Variants in ZPLD1 observed in about 807,000 individuals in gnomAD.
The protein encoded by ZPLD1 is zona pellucida-like domain-containing protein 1.
Under a neutral mutation model 47.2 loss-of-function variants are expected in ZPLD1, and 34 were observed. That is an observed-to-expected ratio of 0.72 (90% CI 0.55 to 0.96). The LOEUF is 0.96. Among genes scored for constraint, ZPLD1 ranks in the 40% least tolerant of loss-of-function variants. ZPLD1 has a pLI of 0.00. For missense variants in ZPLD1, 512 were observed against 505.8 expected, an observed-to-expected ratio of 1.01 and a Z score of -0.12; for synonymous variants, 176 against 186.2, an observed-to-expected ratio of 0.95 and a Z score of 0.45.
At position 102,400,050 on chromosome 3, in the gene ZPLD1, C is replaced by T. The variant is rs373246849; in HGVS notation, c.-157+7825C>T. Among the ~76,000 whole-genome samples, 112 of 152,040 alleles carry T rather than the reference C, an allele frequency of 7.4e-4. 1 individual carries two copies. In the South Asian group the frequency reaches 0.015, roughly 21 times the overall value. Reference sequence around the variant, plus strand: ...GACAGACTGGTCTTGAACTCCTGGGCTCAAGTGATTCACCCACCTCAGCCT... The same window carrying T: ...GACAGACTGGTCTTGAACTCCTGGGTTCAAGTGATTCACCCACCTCAGCCT... On this transcript the variant is annotated intron_variant, in intron 7 of 17. Coordinates refer to the ZPLD1 transcript ENST00000491959.
At chr3:102,393,523 C>T (rs142044333) in intron 7 of ZPLD1, among the ~76,000 whole-genome samples, 6 of 152,126 alleles carry the variant, frequency 3.9e-5, no homozygotes, top group Non-Finnish European at 8.8e-5. Context: ...TTGAATTCTG[C>T]TTACTTGTCA....
chr3:102,441,107 G>C (rs1361601354), intron 3 of ZPLD1, among the ~76,000 whole-genome samples: 1 of 152,068 alleles, frequency 6.6e-6, no homozygotes, highest in Non-Finnish European at 1.5e-5. Flanking sequence ...TGGGAAGGGT[G>C]ATCAAGCCAT....
intron 8 of ZPLD1, among the ~76,000 whole-genome samples, chr3:102,420,330 G>A (rs960405729): frequency 2.6e-5 from 4 of 151,870 alleles, no homozygotes; most frequent in African/African-American, 9.7e-5. Flanking sequence ...AATACATTGT[G>A]TCCTGTCCCC....
intron 3 of ZPLD1, among the ~76,000 whole-genome samples, chr3:102,446,247 T>C (rs1707253985): frequency 6.6e-6 from 1 of 152,196 alleles, no homozygotes; most frequent in South Asian, 2.1e-4. Context: ...AGTGAGACAG[T>C]AGACCCACAG....
intron 7 of ZPLD1, among the ~76,000 whole-genome samples, chr3:102,400,071 A>C (rs1706602540): frequency 6.6e-6 from 1 of 152,004 alleles, no homozygotes; most frequent in African/African-American, 2.4e-5. Context: ...CACCCACCTC[A>C]GCCTTCCAAA....
intron 9 of ZPLD1, among the ~76,000 whole-genome samples, chr3:102,469,856 T>C (rs1038739838): frequency 1.5e-4 from 23 of 152,362 alleles, no homozygotes; most frequent in African/African-American, 4.6e-4. Context: ...AATTCTATTC[T>C]GACCGGCTCT....
At chr3:102,464,594 A>G (rs978802168) in intron 8 of ZPLD1, among the ~76,000 whole-genome samples, 1 of 152,228 alleles carries the variant, frequency 6.6e-6, no homozygotes, top group Non-Finnish European at 1.5e-5. Context: ...AGAGGTTACT[A>G]TTTATCTGCA....
chr3:102,421,729 G>T (rs1706881570), intron 8 of ZPLD1, among the ~76,000 whole-genome samples: 1 of 151,690 alleles, frequency 6.6e-6, no homozygotes, highest in Non-Finnish European at 1.5e-5. Context: ...GGCATAAAAA[G>T]TACAGCTGAA....
intron 4 of ZPLD1, 72 bp downstream of exon 4, chr3:102,453,211 A>C: frequency 7.4e-7 from 1 of 1,343,238 alleles, no homozygotes; most frequent in Non-Finnish European, 1.0e-6. Context: ...ATGAAAGAAT[A>C]AGATGCCCAA....
chr3:102,403,906 G>T (rs1005181271), intron 7 of ZPLD1, among the ~76,000 whole-genome samples: 3 of 151,974 alleles, frequency 2.0e-5, no homozygotes, highest in Non-Finnish European at 2.9e-5. Context: ...TTAATTCCAT[G>T]TATCAGAGAT....
chr3:102,387,968 C>T (rs976744528), intron 6 of ZPLD1, among the ~76,000 whole-genome samples: 1 of 147,236 alleles, frequency 6.8e-6, no homozygotes, highest in African/African-American at 2.5e-5. Flanking sequence ...TCACGCCATT[C>T]TCCTGCCTCA....
At chr3:102,397,436 G>A (rs1706570761) in intron 7 of ZPLD1, among the ~76,000 whole-genome samples, 1 of 152,044 alleles carries the variant, frequency 6.6e-6, no homozygotes, top group Non-Finnish European at 1.5e-5. Context: ...TGGAGAAGGA[G>A]GATTGATGGG....
At chr3:102,420,859 A>G (rs1344963400) in intron 8 of ZPLD1, among the ~76,000 whole-genome samples, 2 of 151,974 alleles carry the variant, frequency 1.3e-5, no homozygotes, top group Non-Finnish European at 2.9e-5. Context: ...TGAAACCAAA[A>G]TATTTTAAAG....
rs376633499 is a variant in ZPLD1 at position 102,464,861 on chromosome 3, A to AT, written c.761+616dup. On this transcript the variant is annotated intron_variant, in intron 8 of 11. Coordinates refer to ENST00000466937, the MANE Select transcript of ZPLD1 (RefSeq NM_001329788.2). ...TCAATCATCTCAGTTCCTTTTCAGC[A>AT]TTTTTTATCTGACAGCTGAACAGAC... Among the ~76,000 whole-genome samples, 200 of 152,298 alleles carry AT rather than the reference A, an allele frequency of 1.3e-3. 1 individual carries two copies. Among genetic ancestry groups the AT allele is most frequent in the African/African-American group, 3.6e-3 (151 of 41,570 alleles).
At chr3:102,412,573 G>C (rs952063827) in intron 7 of ZPLD1, among the ~76,000 whole-genome samples, 1 of 151,874 alleles carries the variant, frequency 6.6e-6, no homozygotes, top group Admixed American at 6.6e-5. Context: ...GCTGTATTCA[G>C]TTTACTGTAT....
chr3:102,429,663 G>A (rs1706992839), intron 8 of ZPLD1, among the ~76,000 whole-genome samples: 1 of 152,136 alleles, frequency 6.6e-6, no homozygotes, highest in African/African-American at 2.4e-5. Flanking sequence ...TTGTGGTTAT[G>A]TGGAGAAGGC....
At chr3:102,440,901 A>G (rs905013863) in intron 3 of ZPLD1, among the ~76,000 whole-genome samples, 3 of 152,310 alleles carry the variant, frequency 2.0e-5, no homozygotes, top group Middle Eastern at 3.4e-3. Flanking sequence ...AGAATAATTG[A>G]TGAAATGAGA....
intron 3 of ZPLD1, among the ~76,000 whole-genome samples, chr3:102,438,878 G>A (rs1012397438): frequency 1.3e-5 from 2 of 152,010 alleles, no homozygotes; most frequent in East Asian, 1.9e-4. Context: ...TTCAAAATTT[G>A]TGTCTTTTTT....
rs1028980305 is a variant in ZPLD1, at chr3:102,479,806, A to C, written c.*2188A>C. 7 of 152,182 alleles carry C rather than the reference A, an allele frequency of 4.6e-5. No homozygotes were observed. The highest frequency in any genetic ancestry group is 1.7e-4 in the African/African-American group (7 of 41,450). 9.4% of individuals were successfully genotyped at this position (152,182 alleles called of 1,614,324 possible). The stretch of plus-strand genomic sequence containing the variant: ...GGGGTAAGGTCTGATGACATGTAAA[A>C]GATGATCGTTTAATAAAATAATTGT... On this transcript the variant is annotated 3_prime_UTR_variant, in exon 12 of 12. Transcript: ENST00000466937.
Sources: allele counts gnomAD v4.1 joint callset (sites outside exome capture counted in the v4.1 genomes callset), GRCh38; gene constraint gnomAD v4.1.1; transcripts MANE v1.5; gene names NCBI Gene and HGNC (gene_info 2026-07-23, HGNC 2026-07-21).